ARHGEF17: variants seen among roughly 807,000 people sequenced by gnomAD.
ARHGEF17 encodes Rho guanine nucleotide exchange factor 17.
ARHGEF17 carries 80 observed loss-of-function variants against 174.0 expected under a neutral mutation model. The ratio of observed to expected loss-of-function variants is 0.46; its 90% confidence interval spans 0.38 to 0.55. The LOEUF is 0.55. ARHGEF17 is among the 20% of genes least tolerant of loss of function. The probability of loss-of-function intolerance (pLI) is 0.00; values close to 1 mark genes in which losing one functional copy is unlikely to be tolerated. For missense variants in ARHGEF17, 2,886 were observed against 2,839.7 expected (o/e 1.02, Z -0.37); for synonymous variants, 1,311 against 1,189.1 (o/e 1.10, Z -2.11).
Position 73,309,072 on chromosome 11 carries a change from C to T in ARHGEF17, c.434C>T (p.Ser145Phe). Reference sequence around the variant, plus strand: ...GGCTCCAGGAGGCCCAGCGCCGACTCTGAATCCCCAGGAACGCCCAGCCCC... The same window carrying T: ...GGCTCCAGGAGGCCCAGCGCCGACTTTGAATCCCCAGGAACGCCCAGCCCC... ...GPGSRRPSADSESPGTPSPDG... is the reference protein window; with the variant it reads ...GPGSRRPSADFESPGTPSPDG... Residue 145 changes from serine to phenylalanine, a missense_variant, in exon 1 of 21, where the codon TCT becomes TTT. Ser to Phe is a radical substitution (Grantham distance 155). Coordinates refer to ENST00000263674, the MANE Select transcript of ARHGEF17 (RefSeq NM_014786.4). 6.6e-7 allele frequency: 1 copy of T among 1,518,118 alleles called. No individual in the cohort carries two copies. 94.0% of individuals were successfully genotyped at this position (1,518,118 alleles called of 1,614,324 possible).
At chr11:73,341,282 C>T (rs1340340483) in intron 1 of ARHGEF17, among the ~76,000 whole-genome samples, 1 of 152,112 alleles carries the variant, frequency 6.6e-6, no homozygotes, top group African/African-American at 2.4e-5. Flanking sequence ...GTGACATTTG[C>T]ACTAAAACTG....
chr11:73,358,206 C>G (rs1035608604), intron 9 of ARHGEF17, among the ~76,000 whole-genome samples: 3 of 152,176 alleles, frequency 2.0e-5, no homozygotes, highest in African/African-American at 7.2e-5. Context: ...TCTCTTCAGG[C>G]TGTTTTAACA....
chr11:73,352,411 T>C (rs1288462360), intron 2 of ARHGEF17, among the ~76,000 whole-genome samples: 2 of 152,170 alleles, frequency 1.3e-5, no homozygotes, highest in Non-Finnish European at 2.9e-5. Context: ...GATCCTAAGC[T>C]CTATCAGGAC....
At position 73,365,784 on chromosome 11, in the gene ARHGEF17, C is replaced by T. The variant is rs1865827299; in HGVS notation, c.5832C>T (p.Leu1944=). The change falls in exon 20 of 21, where the codon CTC becomes CTT. Residue 1944 remains leucine (L), a synonymous_variant. Coordinates refer to ENST00000263674, the MANE Select transcript of ARHGEF17 (RefSeq NM_014786.4). The surrounding 1 kb of genome is among the most constrained non-coding windows in gnomAD (Gnocchi z 4.9). The part of the protein sequence containing the change: ...LWVGTSAGVV[L]TMPTSPGTVS... ...TGGGCACCAGTGCTGGTGTCGTCCT[C>T]ACCATGCCCACTTCGCCCGGTACTG... is the stretch of plus-strand genomic sequence containing the variant. 1.9e-6 allele frequency: 3 copies of T among 1,613,766 alleles called. No homozygotes were observed. The highest frequency in any genetic ancestry group is 2.2e-5 in the East Asian group (1 of 44,888).
chr11:73,344,664 G>A (rs1324330466), intron 1 of ARHGEF17, among the ~76,000 whole-genome samples: 1 of 152,254 alleles, frequency 6.6e-6, no homozygotes, highest in Non-Finnish European at 1.5e-5. Flanking sequence ...TGTGGACAGA[G>A]CTGCTCTGCT....
chr11:73,311,553 C>A lies in ARHGEF17; in HGVS notation c.2915C>A (p.Pro972His). The change falls in exon 1 of 21, where the codon CCT (proline) becomes CAT (histidine). Residue 972 changes from proline (P) to histidine (H), a missense_variant. Physicochemically the swap from Pro to His is moderately conservative, Grantham distance 77. Coordinates refer to ENST00000263674, the MANE Select transcript of ARHGEF17 (RefSeq NM_014786.4). ...VPATFMPIVVPEPPTSVGPPV... is the reference protein window; with the variant it reads ...VPATFMPIVVHEPPTSVGPPV... ...GCCACATTTATGCCTATTGTGGTGC[C>A]TGAGCCACCAACTTCTGTTGGTCCC... The A allele has an allele frequency of 1.9e-6, 3 of 1,613,614 alleles. No homozygotes were observed. Among genetic ancestry groups the A allele is most frequent in the Non-Finnish European group, 2.5e-6 (3 of 1,180,022 alleles).
chr11:73,355,845 C>A lies in ARHGEF17; in HGVS notation c.3571-16C>A. ...GGCATGTCATTCCTCACATGATGCC[C>A]ATCCATGGGTTTCAGCAAAGCATGC... On this transcript the variant is annotated splice_polypyrimidine_tract_variant and intron_variant, in intron 4 of 20. Transcript: ENST00000263674. 1 of 1,613,956 alleles carries A rather than the reference C, an allele frequency of 6.2e-7. No homozygotes were observed. Among genetic ancestry groups the A allele is most frequent in the South Asian group, 1.1e-5 (1 of 91,068 alleles).
At chr11:73,366,027 T>C (rs1247649249) in intron 20 of ARHGEF17, 80 bp downstream of exon 20, 2 of 1,519,484 alleles carry the variant, frequency 1.3e-6, no homozygotes, top group Admixed American at 3.7e-5. Context: ...CAGAAGAGCT[T>C]TCAAGAGGGA....
chr11:73,365,557 GCTGGCAGGTA>G lies in ARHGEF17; in HGVS notation c.5722_5725+6del. On this transcript the variant is annotated splice_donor_variant and splice_donor_region_variant and coding_sequence_variant and intron_variant, in exon 19 of 21. Coordinates refer to ENST00000263674, the MANE Select transcript of ARHGEF17 (RefSeq NM_014786.4). LOFTEE classifies it high-confidence loss of function. The surrounding 1 kb of genome is among the most constrained non-coding windows in gnomAD (Gnocchi z 4.9). ...ACGTCACTCCTCCCGTGCACAGGAT[GCTGGCAGGTA>G]CTGACCTCAAACTACCACAGCACCC... 1 of 1,614,178 alleles carries G rather than the reference GCTGGCAGGTA, an allele frequency of 6.2e-7. No individual in the cohort carries two copies. The highest frequency in any genetic ancestry group is 8.5e-7 in the Non-Finnish European group (1 of 1,180,030).
At chr11:73,335,838 C>T (rs1865278624) in intron 1 of ARHGEF17, among the ~76,000 whole-genome samples, 1 of 152,206 alleles carries the variant, frequency 6.6e-6, no homozygotes, top group Admixed American at 6.5e-5. Context: ...CCCTTCTCCC[C>T]CATTTGTTTA....
intron 18 of ARHGEF17, 64 bp downstream of exon 18, chr11:73,364,664 A>T: frequency 1.3e-6 from 2 of 1,543,860 alleles, no homozygotes; most frequent in Non-Finnish European, 1.7e-6. Flanking sequence ...TGACAGGGAG[A>T]TGGAGACCAT....
Position 73,309,369 on chromosome 11 carries a change from G to C in ARHGEF17, c.731G>C (p.Arg244Pro). The C allele has an allele frequency of 6.3e-7, 1 of 1,595,406 alleles. No individual in the cohort carries two copies. The highest frequency in any genetic ancestry group is 8.5e-7 in the Non-Finnish European group (1 of 1,171,266). Residue 244 changes from arginine (R) to proline (P), a missense_variant, in exon 1 of 21, where the codon CGC (arginine) becomes CCC (proline). By Grantham distance (103) the Arg-to-Pro change is moderately radical. Around this residue, in one of 4 missense-constraint regions of ARHGEF17, gnomAD observed 1,728 missense variants for 1,461.2 expected, o/e 1.18. Transcript: ENST00000263674. ...ATCGCCGCCTCCTATCCTGTCAGCCGCAGTCGTGCTGCCAGCTCCAGCGAG... is the reference window on the plus strand; with the variant it reads ...ATCGCCGCCTCCTATCCTGTCAGCCCCAGTCGTGCTGCCAGCTCCAGCGAG... ...SSIAASYPVS[R>P]SRAASSSEEE... is the part of the protein sequence containing the mutation.
At chr11:73,358,428 C>G (rs1482852128) in intron 9 of ARHGEF17, among the ~76,000 whole-genome samples, 1 of 150,768 alleles carries the variant, frequency 6.6e-6, no homozygotes, top group Non-Finnish European at 1.5e-5. Context: ...CCCTCATGAC[C>G]AGGTCACCTC....
intron 1 of ARHGEF17, among the ~76,000 whole-genome samples, chr11:73,327,688 A>T (rs1213770450): frequency 2.0e-5 from 3 of 152,188 alleles, no homozygotes; most frequent in Non-Finnish European, 1.5e-5. Flanking sequence ...TGGAGGAACT[A>T]CTGTGGCCAG....
intron 1 of ARHGEF17, among the ~76,000 whole-genome samples, chr11:73,314,019 G>C (rs1425984219): frequency 6.6e-6 from 1 of 152,210 alleles, no homozygotes; most frequent in East Asian, 1.9e-4. Context: ...GACTGCAGTA[G>C]CCTCTGAGAA....
chr11:73,351,284 G>A (rs1865548046), intron 2 of ARHGEF17, among the ~76,000 whole-genome samples: 1 of 152,070 alleles, frequency 6.6e-6, no homozygotes, highest in Non-Finnish European at 1.5e-5. Context: ...TAATATAAAT[G>A]TTATTGCAAC....
At position 73,357,311 on chromosome 11, in the gene ARHGEF17, C is replaced by G. The variant is rs144162252; in HGVS notation, c.4071C>G (p.Asp1357Glu). ...YKMLWKLPLE[D>E]ADIIKGASQA... ...TGCTGTGGAAGCTGCCGCTGGAAGA[C>G]GCAGACATCATCAAAGGTGGGTTTG... Residue 1357 changes from aspartate to glutamate, a missense_variant, in exon 9 of 21, where the codon GAC becomes GAG. Around this residue, in one of 4 missense-constraint regions of ARHGEF17, gnomAD observed 353 missense variants for 470.3 expected, o/e 0.75. Coordinates refer to ENST00000263674, the MANE Select transcript of ARHGEF17 (RefSeq NM_014786.4). 6.2e-7 allele frequency: 1 copy of G among 1,613,952 alleles called. No individual in the cohort carries two copies. The highest frequency in any genetic ancestry group is 1.1e-5 in the South Asian group (1 of 91,014).
chr11:73,360,605 G>A, intron 11 of ARHGEF17, 72 bp downstream of exon 11: 2 of 1,537,824 alleles, frequency 1.3e-6, no homozygotes, highest in South Asian at 1.1e-5. Flanking sequence ...TCTCACAGCT[G>A]TCTGTGACTT....
At chr11:73,346,841 G>C in intron 1 of ARHGEF17, 42 bp from the exon 2 acceptor site, 1 of 1,407,102 alleles carries the variant, frequency 7.1e-7, no homozygotes, top group Non-Finnish European at 9.4e-7. Flanking sequence ...GGGGTCTGGG[G>C]GGAAAAAGAC....
Sources: allele counts gnomAD v4.1 joint callset (sites outside exome capture counted in the v4.1 genomes callset), GRCh38; gene constraint gnomAD v4.1.1; regional missense constraint gnomAD v4.1.1; non-coding constraint Gnocchi (gnomAD v3.1); transcripts MANE v1.5; gene names NCBI Gene and HGNC (gene_info 2026-07-23, HGNC 2026-07-21).